AGBL4: variants seen among roughly 807,000 people sequenced by gnomAD.
The protein encoded by AGBL4 is AGBL carboxypeptidase 4, also known as cytosolic carboxypeptidase 6.
A neutral mutation model predicts 66.4 loss-of-function variants in AGBL4; 58 were observed. That is an observed-to-expected ratio of 0.87 (90% CI 0.71 to 1.09). The LOEUF (loss-of-function observed/expected upper bound fraction) is 1.09. Ranked by LOEUF, AGBL4 falls within the 50% of genes least tolerant of loss-of-function variation. AGBL4 has a pLI of 0.00. For missense variants in AGBL4, 579 were observed against 631.0 expected (o/e 0.92, Z 0.88); for synonymous variants, 234 against 222.9 (o/e 1.05, Z -0.44).
intron 3 of AGBL4, among the ~76,000 whole-genome samples, chr1:49,347,753 G>C (rs759064008): frequency 6.6e-6 from 1 of 151,620 alleles, no homozygotes; most frequent in Non-Finnish European, 1.5e-5. Flanking sequence ...CCAGCTACTC[G>C]GGAGGCTGCA....
intron 3 of AGBL4, among the ~76,000 whole-genome samples, chr1:49,529,905 G>C (rs376260182): frequency 3.3e-5 from 5 of 151,834 alleles, no homozygotes; most frequent in African/African-American, 4.8e-5. Context: ...TCAGCAGAGC[G>C]GGGGTAAGAG....
intron 2 of AGBL4, among the ~76,000 whole-genome samples, chr1:49,700,491 A>G (rs1423959346): frequency 1.3e-5 from 2 of 152,100 alleles, no homozygotes; most frequent in Non-Finnish European, 2.9e-5. Context: ...AGATAATTTG[A>G]AAACATGATT....
chr1:48,652,067 T>C (rs1327841130), intron 8 of AGBL4, among the ~76,000 whole-genome samples: 1 of 152,124 alleles, frequency 6.6e-6, no homozygotes, highest in Non-Finnish European at 1.5e-5. Flanking sequence ...CTTGGTACAG[T>C]GGCTCATGCC....
intron 2 of AGBL4, chr1:49,842,033 T>G (rs1646007505): frequency 2.6e-6 from 1 of 389,202 alleles, no homozygotes. Context: ...CATATTCACG[T>G]GCAGCCTCCT....
intron 2 of AGBL4, among the ~76,000 whole-genome samples, chr1:49,836,636 T>G (rs1645857262): frequency 6.6e-6 from 1 of 152,190 alleles, no homozygotes; most frequent in South Asian, 2.1e-4. Flanking sequence ...GGAGTTATGA[T>G]CCTTTGGAGG....
At chr1:48,961,104 T>TGTGTGTGTGC (rs1657938454) in intron 5 of AGBL4, among the ~76,000 whole-genome samples, 1 of 152,114 alleles carries the variant, frequency 6.6e-6, no homozygotes, top group African/African-American at 2.4e-5. Context: ...TGTGTGTGTG[T>TGTGTGTGTGC]GTGCGTGTAT....
intron 4 of AGBL4, among the ~76,000 whole-genome samples, chr1:49,075,422 C>T (rs1644690898): frequency 2.0e-5 from 3 of 152,060 alleles, no homozygotes; most frequent in Admixed American, 2.0e-4. Context: ...AAATAAATAA[C>T]CCAGTTTTTT....
chr1:48,754,554 TG>T (rs748469469), intron 6 of AGBL4, among the ~76,000 whole-genome samples: 28 of 152,072 alleles, frequency 1.8e-4, no homozygotes, highest in Non-Finnish European at 3.7e-4. Context: ...TTTACTTATT[TG>T]GGGGAGGAGG....
At chr1:48,679,842 G>A (rs319959) in intron 6 of AGBL4, among the ~76,000 whole-genome samples, 1 of 152,052 alleles carries the variant, frequency 6.6e-6, no homozygotes, top group Non-Finnish European at 1.5e-5. Context: ...TTTGTTAGTC[G>A]CTTTTCCAAT....
At chr1:48,699,924 C>T (rs1210858269) in intron 6 of AGBL4, among the ~76,000 whole-genome samples, 8 of 126,720 alleles carry the variant, frequency 6.3e-5, no homozygotes, top group Admixed American at 2.9e-4. Flanking sequence ...CATACATATA[C>T]ATATATAAAT....
chr1:49,595,795 A>G (rs1167008507), intron 3 of AGBL4, among the ~76,000 whole-genome samples: 1 of 152,216 alleles, frequency 6.6e-6, no homozygotes, highest in Non-Finnish European at 1.5e-5. Context: ...TGTCAGCAAC[A>G]AGATATTTAT....
intron 4 of AGBL4, among the ~76,000 whole-genome samples, chr1:49,168,641 G>C (rs984246225): frequency 6.6e-6 from 1 of 152,188 alleles, no homozygotes; most frequent in East Asian, 1.9e-4. Context: ...TGACCCAGCA[G>C]AGCTTGGCTT....
At chr1:48,727,815 G>A in intron 6 of AGBL4, 1 of 1,448,680 alleles carries the variant, frequency 6.9e-7, no homozygotes, top group Non-Finnish European at 9.5e-7. Flanking sequence ...GGTCTGATTT[G>A]GACGGCACCA....
chr1:49,403,337 C>T (rs1350782144), intron 3 of AGBL4, among the ~76,000 whole-genome samples: 1 of 152,044 alleles, frequency 6.6e-6, no homozygotes, highest in East Asian at 1.9e-4. Context: ...TTTTCCATCA[C>T]TTTATTTTTA....
In AGBL4 at chr1:49,278,278, G is replaced by C. The variant is rs540703101; in HGVS notation, c.283-32414C>G. On this transcript the variant is annotated intron_variant, in intron 3 of 13. Coordinates refer to ENST00000371839, the MANE Select transcript of AGBL4 (RefSeq NM_032785.4). ...TCCTCTCCTTTGGAATCACGTCCCA[G>C]GTTAAAAGGAAATACTAAAACAGCC... 7.2e-5 allele frequency among the ~76,000 whole-genome samples: 11 copies of C among 152,062 alleles called. 1 individual carries two copies. In the South Asian group the frequency reaches 2.3e-3, roughly 32 times the overall value.
chr1:49,632,658 A>G (rs1645593263), intron 3 of AGBL4, among the ~76,000 whole-genome samples: 1 of 152,214 alleles, frequency 6.6e-6, no homozygotes, highest in South Asian at 2.1e-4. Flanking sequence ...AAACCATTCA[A>G]TCAGGCTGCA....
intron 3 of AGBL4, among the ~76,000 whole-genome samples, chr1:49,480,017 T>G (rs1210616422): frequency 2.6e-5 from 4 of 152,106 alleles, no homozygotes; most frequent in Non-Finnish European, 4.4e-5. Flanking sequence ...CACATTTTCT[T>G]TATCTAGTCT....
Position 49,112,552 on chromosome 1 carries a change from G to T in AGBL4, c.378-66752C>A, listed in dbSNP as rs1408843005. Among the ~76,000 whole-genome samples the T allele has an allele frequency of 7.2e-5, 11 of 152,310 alleles. No individual in the cohort carries two copies. In the South Asian group the frequency reaches 2.3e-3, roughly 32 times the overall value. On this transcript the variant is annotated intron_variant, in intron 4 of 13. Transcript: ENST00000371839. ...GTTTGACAGCATTTTACCCACAGTA[G>T]AACTTTTTTCAAAATTGGACTCAAT...
chr1:49,293,327 T>C (rs1344325901), intron 3 of AGBL4, among the ~76,000 whole-genome samples: 2 of 152,214 alleles, frequency 1.3e-5, no homozygotes, highest in Non-Finnish European at 2.9e-5. Flanking sequence ...GCCAGTAGCA[T>C]GAGCCGAGTG....
Sources: allele counts gnomAD v4.1 joint callset (sites outside exome capture counted in the v4.1 genomes callset), GRCh38; gene constraint gnomAD v4.1.1; transcripts MANE v1.5; gene names NCBI Gene and HGNC (gene_info 2026-07-23, HGNC 2026-07-21).